LRRC7: variants seen among roughly 807,000 people sequenced by gnomAD.
The protein encoded by LRRC7 is leucine rich repeat containing 7.
A neutral mutation model predicts 175.7 loss-of-function variants in LRRC7; 23 were observed. The ratio of observed to expected loss-of-function variants is 0.13; its 90% CI spans 0.09 to 0.19. LRRC7 has a LOEUF of 0.19. Ranked by LOEUF, LRRC7 falls within the 10% of genes least tolerant of loss-of-function variation. The probability of loss-of-function intolerance (pLI) is 1.00; values close to 1 mark genes in which losing one functional copy is unlikely to be tolerated. For missense variants in LRRC7, 1,354 were observed against 1,904.7 expected, an observed-to-expected ratio of 0.71 and a Z score of 5.38; for synonymous variants, 685 against 680.9, an observed-to-expected ratio of 1.01 and a Z score of -0.09.
chr1:69,621,253 T>C (rs538971988), intron 1 of LRRC7, among the ~76,000 whole-genome samples: 2 of 152,024 alleles, frequency 1.3e-5, no homozygotes, highest in Admixed American at 1.3e-4. Context: ...TTCATGTTGG[T>C]CAGGCTGGTC....
At chr1:69,858,955 T>G (rs564459897) in intron 7 of LRRC7, among the ~76,000 whole-genome samples, 2 of 152,068 alleles carry the variant, frequency 1.3e-5, no homozygotes, top group African/African-American at 4.8e-5. Flanking sequence ...TGCAAATATA[T>G]ACGAACTCAA....
At chr1:69,658,807 T>C (rs1355845597) in intron 1 of LRRC7, among the ~76,000 whole-genome samples, 6 of 151,926 alleles carry the variant, frequency 3.9e-5, no homozygotes, top group Non-Finnish European at 7.4e-5. Flanking sequence ...TTTCAGGAAA[T>C]ACACAATGGA....
At chr1:70,063,066 G>C (rs79107707) in intron 23 of LRRC7, among the ~76,000 whole-genome samples, 1,801 of 152,136 alleles carry the variant, frequency 0.012, 43 homozygotes, top group African/African-American at 0.041. Context: ...CAATACAACT[G>C]TCTGCAGTAT....
At chr1:69,880,449 T>C (rs919471753) in intron 7 of LRRC7, among the ~76,000 whole-genome samples, 2 of 152,106 alleles carry the variant, frequency 1.3e-5, no homozygotes, top group African/African-American at 2.4e-5. Flanking sequence ...CCTAGGAGTT[T>C]TGGTGTGCTA....
chr1:69,844,230 T>C (rs1436404455), intron 7 of LRRC7, among the ~76,000 whole-genome samples: 1 of 152,162 alleles, frequency 6.6e-6, no homozygotes. Context: ...ATCTACCCTC[T>C]TAACAAACTT....
chr1:69,687,608 A>G (rs1203770794), intron 2 of LRRC7, among the ~76,000 whole-genome samples: 1 of 151,148 alleles, frequency 6.6e-6, no homozygotes, highest in Non-Finnish European at 1.5e-5. Context: ...ATGGTGTAAT[A>G]TTTTTCTGAA....
At chr1:69,686,483 T>C (rs1023205718) in intron 2 of LRRC7, among the ~76,000 whole-genome samples, 2 of 152,110 alleles carry the variant, frequency 1.3e-5, no homozygotes, top group African/African-American at 4.8e-5. Context: ...GGACCTAAAT[T>C]GATATAAGGT....
At chr1:69,744,794 A>G (rs1487580477) in intron 2 of LRRC7, among the ~76,000 whole-genome samples, 1 of 151,926 alleles carries the variant, frequency 6.6e-6, no homozygotes, top group Non-Finnish European at 1.5e-5. Context: ...ACTGTCACTA[A>G]TGGAAAACAA....
intron 2 of LRRC7, among the ~76,000 whole-genome samples, chr1:69,726,129 C>T (rs1311947778): frequency 2.6e-5 from 4 of 152,144 alleles, no homozygotes; most frequent in South Asian, 2.1e-4. Flanking sequence ...CTTACTTAGC[C>T]TTCATATTAT....
intron 18 of LRRC7, chr1:70,031,197 T>A (rs1190750152): frequency 6.6e-6 from 1 of 152,244 alleles, no homozygotes; most frequent in Non-Finnish European, 1.5e-5. Context: ...TGTCCATCCT[T>A]GTATTGCCTG....
chr1:70,024,246 T>C (rs1483639468), intron 17 of LRRC7, among the ~76,000 whole-genome samples: 1 of 151,684 alleles, frequency 6.6e-6, no homozygotes, highest in Non-Finnish European at 1.5e-5. Context: ...TACTGGAATT[T>C]ACAATCAAAT....
At chr1:69,988,709 C>A (rs914608302) in intron 10 of LRRC7, among the ~76,000 whole-genome samples, 3 of 152,090 alleles carry the variant, frequency 2.0e-5, no homozygotes, top group East Asian at 1.9e-4. Context: ...AAATTCACTG[C>A]GGAAAACTAT....
intron 23 of LRRC7, among the ~76,000 whole-genome samples, chr1:70,058,380 C>G (rs1211735297): frequency 6.6e-6 from 1 of 152,108 alleles, no homozygotes; most frequent in Non-Finnish European, 1.5e-5. Flanking sequence ...CATTTTATAG[C>G]TATGTAAATC....
At chr1:69,742,681 G>A (rs1668838702) in intron 2 of LRRC7, among the ~76,000 whole-genome samples, 1 of 151,838 alleles carries the variant, frequency 6.6e-6, no homozygotes, top group Non-Finnish European at 1.5e-5. Flanking sequence ...GATTAAAGCA[G>A]AAAAATAGGG....
At chr1:70,074,489 A>G (rs554278127) in intron 23 of LRRC7, among the ~76,000 whole-genome samples, 1 of 152,330 alleles carries the variant, frequency 6.6e-6, no homozygotes, top group East Asian at 1.9e-4. Context: ...TTATGAGATT[A>G]TCTTAGTTGT....
intron 15 of LRRC7, 31 bp downstream of exon 15, chr1:70,018,849 T>C: frequency 6.7e-7 from 1 of 1,487,854 alleles, no homozygotes. Context: ...TCTTCTCTAC[T>C]TATAATGATT....
chr1:69,986,487 C>G, intron 10 of LRRC7, 101 bp downstream of exon 10: 2 of 874,386 alleles, frequency 2.3e-6, no homozygotes, highest in East Asian at 5.8e-5. Context: ...TACTGTTAGT[C>G]TGATGTTAAT....
chr1:69,610,863 C>T (rs1483225327), intron 1 of LRRC7, among the ~76,000 whole-genome samples: 1 of 151,916 alleles, frequency 6.6e-6, no homozygotes, highest in Non-Finnish European at 1.5e-5. Flanking sequence ...CTGAGAATTA[C>T]ATACCAACAG....
chr1:69,998,147 A>G (rs1326276035), intron 11 of LRRC7, among the ~76,000 whole-genome samples: 1 of 152,222 alleles, frequency 6.6e-6, no homozygotes, highest in Admixed American at 6.5e-5. Context: ...TTTATTAAGT[A>G]TAATTGACAT....
Sources: allele counts gnomAD v4.1 joint callset (sites outside exome capture counted in the v4.1 genomes callset), GRCh38; gene constraint gnomAD v4.1.1; transcripts MANE v1.5; gene names NCBI Gene and HGNC (gene_info 2026-07-23, HGNC 2026-07-21).